Variants in ASIC2 observed in about 807,000 individuals in gnomAD.
The protein encoded by ASIC2 is acid-sensing ion channel 2.
Under a neutral mutation model 57.3 loss-of-function variants are expected in ASIC2, and 25 were observed. The observed-to-expected ratio is 0.44, with a 90% confidence interval of 0.32 to 0.61. ASIC2 has a LOEUF of 0.61. ASIC2 is among the 20% of genes least tolerant of loss of function. The pLI, the probability that ASIC2 is intolerant of heterozygous loss-of-function variation, is 0.06. For missense variants in ASIC2, 641 were observed against 738.1 expected, an observed-to-expected ratio of 0.87 and a Z score of 1.52; for synonymous variants, 319 against 307.5, an observed-to-expected ratio of 1.04 and a Z score of -0.39.
chr17:34,113,579 GA>G (rs1284530008), intron 1 of ASIC2, among the ~76,000 whole-genome samples: 1 of 151,312 alleles, frequency 6.6e-6, no homozygotes, highest in Non-Finnish European at 1.5e-5. Flanking sequence ...AAAAAAAAAG[GA>G]AGAAGATGAA....
chr17:33,127,190 T>C (rs563337767), intron 1 of ASIC2, among the ~76,000 whole-genome samples: 3 of 152,294 alleles, frequency 2.0e-5, no homozygotes, highest in South Asian at 2.1e-4. Flanking sequence ...ATTACTCTTG[T>C]TGCTAGAGAA....
chr17:33,328,627 T>G (rs1907176656), intron 1 of ASIC2, among the ~76,000 whole-genome samples: 1 of 152,172 alleles, frequency 6.6e-6, no homozygotes, highest in Non-Finnish European at 1.5e-5. Flanking sequence ...CATCCACCCT[T>G]TAAAGAACGT....
At chr17:33,608,214 C>T (rs967504030) in intron 1 of ASIC2, among the ~76,000 whole-genome samples, 4 of 152,144 alleles carry the variant, frequency 2.6e-5, no homozygotes, top group Admixed American at 2.0e-4. Context: ...TAACTCTCCA[C>T]GTTCCCATGA....
chr17:33,248,918 G>A (rs905880705), intron 1 of ASIC2, among the ~76,000 whole-genome samples: 1 of 152,134 alleles, frequency 6.6e-6, no homozygotes. Flanking sequence ...TCCTGGGGTT[G>A]GTACTTGGTA....
rs193107498 is a variant in ASIC2 at position 33,621,129 on chromosome 17, C to A, written c.556-509062G>T. Among the ~76,000 whole-genome samples, 504 of 152,322 alleles carry A rather than the reference C, an allele frequency of 3.3e-3. 5 individuals carry two copies. The highest frequency in any genetic ancestry group is 0.01 in the Middle Eastern group (3 of 294). On this transcript the variant is annotated intron_variant, in intron 1 of 9. Coordinates refer to the ASIC2 transcript ENST00000359872. ...CTCCTTTCCCTAATGCAGCACCACC[C>A]CAGCCATTCCCATCACATCGTCTTG...
At chr17:33,731,980 AATG>A in intron 1 of ASIC2, among the ~76,000 whole-genome samples, 1 of 152,352 alleles carries the variant, frequency 6.6e-6, no homozygotes. Context: ...CAAAGAAAAA[AATG>A]ATGATTCATA....
intron 1 of ASIC2, among the ~76,000 whole-genome samples, chr17:33,804,086 C>T (rs1191572864): frequency 6.6e-6 from 1 of 152,098 alleles, no homozygotes; most frequent in Non-Finnish European, 1.5e-5. Context: ...ATTTGAACAC[C>T]CAGAAATATG....
chr17:34,071,107 C>A (rs1452835185), intron 1 of ASIC2: 1 of 152,258 alleles, frequency 6.6e-6, no homozygotes, highest in East Asian at 1.9e-4. Context: ...TGTGCACACA[C>A]CCTTGTTACA....
chr17:33,118,191 A>G (rs1222155111), intron 1 of ASIC2, among the ~76,000 whole-genome samples: 2 of 152,256 alleles, frequency 1.3e-5, no homozygotes, highest in Non-Finnish European at 2.9e-5. Context: ...TCAGATAAAC[A>G]TAGAATAAAG....
chr17:33,023,653 C>T, intron 6 of ASIC2, among the ~76,000 whole-genome samples: 1 of 152,130 alleles, frequency 6.6e-6, no homozygotes, highest in South Asian at 2.1e-4. Flanking sequence ...CATAAGACTG[C>T]AAGCTCCTTA....
chr17:33,884,856 C>A (rs547087907), intron 1 of ASIC2, among the ~76,000 whole-genome samples: 2 of 152,172 alleles, frequency 1.3e-5, no homozygotes, highest in African/African-American at 2.4e-5. Flanking sequence ...TCTCCCAGGG[C>A]CTTTGCCTGC....
intron 1 of ASIC2, among the ~76,000 whole-genome samples, chr17:33,457,550 T>TA (rs5820042): frequency 0.55 from 82,906 of 151,476 alleles, 22,836 homozygotes; most frequent in Middle Eastern, 0.66. Flanking sequence ...AGGCCAGGCA[T>TA]AAAAATGAAC....
intron 1 of ASIC2, among the ~76,000 whole-genome samples, chr17:33,465,519 G>A (rs988019004): frequency 1.4e-4 from 21 of 152,030 alleles, no homozygotes; most frequent in Admixed American, 2.6e-4. Context: ...GATTACAGGC[G>A]CATGCCACCA....
intron 1 of ASIC2, chr17:34,036,923 A>C (rs1233655630): frequency 6.6e-6 from 1 of 152,536 alleles, no homozygotes; most frequent in Non-Finnish European, 1.5e-5. Context: ...AATTGCAAAC[A>C]GGAGACCAGA....
At chr17:33,495,331 G>C (rs1005399121) in intron 1 of ASIC2, among the ~76,000 whole-genome samples, 1 of 152,188 alleles carries the variant, frequency 6.6e-6, no homozygotes, top group African/African-American at 2.4e-5. Context: ...GATCATAACT[G>C]CTTTCAGTGC....
chr17:33,417,885 G>T (rs1910905039), intron 1 of ASIC2, among the ~76,000 whole-genome samples: 1 of 152,174 alleles, frequency 6.6e-6, no homozygotes, highest in African/African-American at 2.4e-5. Flanking sequence ...GGCCAGGCAG[G>T]ACTGGAGTCC....
chr17:33,307,246 CCTCCTCCTCCTT>C (rs1286103767), intron 1 of ASIC2, among the ~76,000 whole-genome samples: 3 of 151,278 alleles, frequency 2.0e-5, no homozygotes, highest in African/African-American at 7.3e-5. Context: ...TCTTCTTCTT[CCTCCTCCTCCTT>C]CTCTTCCTCC....
At chr17:34,151,057 C>T (rs976262559) in intron 1 of ASIC2, among the ~76,000 whole-genome samples, 9 of 146,168 alleles carry the variant, frequency 6.2e-5, no homozygotes, top group Non-Finnish European at 1.0e-4. Flanking sequence ...GAGCTAAGAT[C>T]GCACAACTGC....
intron 1 of ASIC2, among the ~76,000 whole-genome samples, chr17:33,571,357 T>C (rs1342121603): frequency 6.6e-6 from 1 of 152,242 alleles, no homozygotes; most frequent in African/African-American, 2.4e-5. Context: ...GTGCATTGCC[T>C]GTTTTCCACC....
Sources: gnomAD v4.1 joint callset for allele counts (sites outside exome capture counted in the v4.1 genomes callset) on GRCh38, gnomAD v4.1.1 for gene constraint, MANE v1.5 for transcripts, NCBI Gene and HGNC (gene_info 2026-07-23, HGNC 2026-07-21) for gene names.